SUCLG2: variants seen among roughly 807,000 people sequenced by gnomAD.
SUCLG2 encodes succinate--CoA ligase [GDP-forming] subunit beta, mitochondrial.
In SUCLG2, 42 loss-of-function variants were observed where a neutral mutation model predicts 47.9. That is an observed-to-expected ratio of 0.88 (90% CI 0.69 to 1.14). The LOEUF (loss-of-function observed/expected upper bound fraction) is 1.14, where lower values mean the gene tolerates loss of function less well. Ranked by LOEUF, SUCLG2 falls within the 50% of genes most tolerant of loss-of-function variation. SUCLG2 has a pLI of 0.00. For missense variants in SUCLG2, 571 were observed against 525.9 expected (o/e 1.09, Z -0.84); for synonymous variants, 195 against 197.3 (o/e 0.99, Z 0.10).
rs190421297 is a variant in SUCLG2, at chr3:67,652,032, C to G, written c.84+2471G>C. 3.9e-5 allele frequency among the ~76,000 whole-genome samples: 6 copies of G among 152,176 alleles called. No individual in the cohort carries two copies. In the East Asian group the frequency reaches 9.7e-4, roughly 25 times the overall value. ...ATTCACCATCCCCAAACCCCAGGGC[C>G]TACAACAGTCCTGCCAAATGGTATG... On this transcript the variant is annotated intron_variant, in intron 1 of 10. Coordinates refer to ENST00000307227, the MANE Select transcript of SUCLG2 (RefSeq NM_003848.4).
Position 67,482,132 on chromosome 3 carries a change from A to G in SUCLG2, c.1062+13666T>C, listed in dbSNP as rs149672667. On this transcript the variant is annotated intron_variant, in intron 9 of 10. Transcript: ENST00000307227. ...GAGGTGGAGGTTGCAGTGAGCCAAGATCATGCCACTGCACTCCAGCCTGAG... is the reference window on the plus strand; with the variant it reads ...GAGGTGGAGGTTGCAGTGAGCCAAGGTCATGCCACTGCACTCCAGCCTGAG... 7.9e-3 allele frequency among the ~76,000 whole-genome samples: 1,200 copies of G among 152,266 alleles called. 18 individuals are homozygous for G. The highest frequency in any genetic ancestry group is 0.027 in the African/African-American group (1,134 of 41,554).
intron 2 of SUCLG2, among the ~76,000 whole-genome samples, chr3:67,559,053 A>G (rs943395800): frequency 1.3e-5 from 2 of 152,176 alleles, no homozygotes; most frequent in African/African-American, 4.8e-5. Context: ...GTGGGAGCAA[A>G]TAATATCACA....
At chr3:67,476,162 G>C (rs1284834255) in intron 9 of SUCLG2, among the ~76,000 whole-genome samples, 1 of 151,946 alleles carries the variant, frequency 6.6e-6, no homozygotes, top group Non-Finnish European at 1.5e-5. Flanking sequence ...TTATACAGCT[G>C]TCCCTAATCC....
At chr3:67,425,258 G>A (rs1330653673) in intron 9 of SUCLG2, among the ~76,000 whole-genome samples, 3 of 152,142 alleles carry the variant, frequency 2.0e-5, no homozygotes, top group Non-Finnish European at 4.4e-5. Context: ...GGTATTATCA[G>A]TGGACTGACC....
intron 2 of SUCLG2, among the ~76,000 whole-genome samples, chr3:67,605,045 T>C (rs1700379323): frequency 6.6e-6 from 1 of 152,182 alleles, no homozygotes; most frequent in Non-Finnish European, 1.5e-5. Flanking sequence ...TCCTGGAATT[T>C]GCTGCCACTG....
intron 1 of SUCLG2, among the ~76,000 whole-genome samples, chr3:67,641,254 C>T (rs747079939): frequency 2.6e-5 from 4 of 152,112 alleles, no homozygotes; most frequent in Non-Finnish European, 4.4e-5. Context: ...AAATCCAACA[C>T]CAGCAAATAA....
chr3:67,559,812 A>G (rs1348614207), intron 2 of SUCLG2, among the ~76,000 whole-genome samples: 1 of 152,210 alleles, frequency 6.6e-6, no homozygotes, highest in East Asian at 1.9e-4. Flanking sequence ...ATATATAATT[A>G]GACATTTGTC....
intron 9 of SUCLG2, among the ~76,000 whole-genome samples, chr3:67,495,511 G>A (rs957725638): frequency 2.6e-5 from 4 of 152,088 alleles, no homozygotes; most frequent in African/African-American, 9.6e-5. Flanking sequence ...AGTTAGCTGG[G>A]CGTTGTGGCG....
intron 7 of SUCLG2, among the ~76,000 whole-genome samples, chr3:67,507,042 T>C (rs921563118): frequency 4.6e-5 from 7 of 152,132 alleles, no homozygotes; most frequent in African/African-American, 1.7e-4. Flanking sequence ...CTCTATAAAA[T>C]GGGGATAACA....
chr3:67,392,780 G>A (rs1291787120), intron 10 of SUCLG2, among the ~76,000 whole-genome samples: 2 of 151,900 alleles, frequency 1.3e-5, no homozygotes, highest in Non-Finnish European at 2.9e-5. Flanking sequence ...TGTTATCATG[G>A]AATCAAGGCA....
intron 1 of SUCLG2, among the ~76,000 whole-genome samples, chr3:67,650,741 T>G (rs777350168): frequency 2.0e-4 from 30 of 151,758 alleles, no homozygotes; most frequent in Non-Finnish European, 3.7e-4. Flanking sequence ...TGGGTGAGAG[T>G]GAGACTCTCT....
At chr3:67,471,190 G>C (rs774484357) in intron 9 of SUCLG2, among the ~76,000 whole-genome samples, 30 of 152,158 alleles carry the variant, frequency 2.0e-4, no homozygotes, top group Non-Finnish European at 2.5e-4. Flanking sequence ...CTGGTGAATT[G>C]AGATGGTATT....
intron 9 of SUCLG2, among the ~76,000 whole-genome samples, chr3:67,481,847 T>C (rs986452605): frequency 1.3e-5 from 2 of 152,188 alleles, no homozygotes; most frequent in Non-Finnish European, 2.9e-5. Flanking sequence ...TCCTACTTTC[T>C]CGATTAGCTC....
chr3:67,535,663 A>C (rs945382645), intron 2 of SUCLG2, among the ~76,000 whole-genome samples: 1 of 152,204 alleles, frequency 6.6e-6, no homozygotes, highest in African/African-American at 2.4e-5. Flanking sequence ...TAAGACACCA[A>C]GCATCTCAGG....
At chr3:67,585,993 C>CAAAAAAAAAAAAAAAAAAAAAAAAA (rs1575797477) in intron 2 of SUCLG2, among the ~76,000 whole-genome samples, 1 of 20,738 alleles carries the variant, frequency 4.8e-5, no homozygotes, top group African/African-American at 1.4e-4. Flanking sequence ...AAAAAAAAAC[C>CAAAAAAAAAAAAAAAAAAAAAAAAA]AAACCCACAA....
At chr3:67,509,499 G>T (rs1457389446) in intron 6 of SUCLG2, among the ~76,000 whole-genome samples, 1 of 152,194 alleles carries the variant, frequency 6.6e-6, no homozygotes, top group African/African-American at 2.4e-5. Flanking sequence ...ATCCAAGGTT[G>T]CCCTGTTATG....
intron 2 of SUCLG2, among the ~76,000 whole-genome samples, chr3:67,531,649 C>G (rs1356393930): frequency 6.6e-6 from 1 of 152,178 alleles, no homozygotes; most frequent in Non-Finnish European, 1.5e-5. Flanking sequence ...CTACGCACAT[C>G]TGCAACATAC....
intron 7 of SUCLG2, among the ~76,000 whole-genome samples, chr3:67,503,707 T>C (rs1028077573): frequency 2.0e-5 from 3 of 152,194 alleles, no homozygotes; most frequent in African/African-American, 7.2e-5. Context: ...CCTATTAATA[T>C]TTATAAAACA....
intron 10 of SUCLG2, among the ~76,000 whole-genome samples, chr3:67,396,659 C>T (rs1475135472): frequency 7.9e-5 from 12 of 152,118 alleles, no homozygotes; most frequent in Non-Finnish European, 1.8e-4. Flanking sequence ...GGAATCCTCC[C>T]TAACTCATTT....
Sources: gnomAD v4.1 joint callset for allele counts (sites outside exome capture counted in the v4.1 genomes callset) on GRCh38, gnomAD v4.1.1 for gene constraint, MANE v1.5 for transcripts, NCBI Gene and HGNC (gene_info 2026-07-23, HGNC 2026-07-21) for gene names.